Variants in ABCG2 observed in about 807,000 individuals in gnomAD.
The protein encoded by ABCG2 is broad substrate specificity ATP-binding cassette transporter ABCG2.
Under a neutral mutation model 73.5 loss-of-function variants are expected in ABCG2, and 80 were observed. The ratio of observed to expected loss-of-function variants is 1.09; its 90% CI spans 0.91 to 1.31. The LOEUF (loss-of-function observed/expected upper bound fraction) is 1.31. Among genes scored for constraint, ABCG2 ranks in the 50% most tolerant of loss-of-function variants. The pLI is 0.00. For synonymous variants in ABCG2, 269 were observed against 282.4 expected (o/e 0.95, Z 0.48); for missense variants, 796 against 786.2 (o/e 1.01, Z -0.15).
At chr4:88,140,577 G>A (rs552368314) in intron 1 of ABCG2, among the ~76,000 whole-genome samples, 58 of 152,228 alleles carry the variant, frequency 3.8e-4, no homozygotes, top group Non-Finnish European at 5.4e-4. Context: ...AGCAGAGATC[G>A]TGCCACTGTA....
intron 11 of ABCG2, among the ~76,000 whole-genome samples, chr4:88,100,707 T>C (rs978175189): frequency 2.6e-5 from 4 of 152,108 alleles, no homozygotes; most frequent in African/African-American, 9.7e-5. Flanking sequence ...AGGCTGCTCT[T>C]TACTGTAAGA....
Position 88,095,757 on chromosome 4 carries a change from C to T in ABCG2, c.1648-148G>A, listed in dbSNP as rs933936418. On this transcript the variant is annotated intron_variant, in intron 13 of 15. Coordinates refer to ENST00000237612, the MANE Select transcript of ABCG2 (RefSeq NM_004827.3). ...AAGTTCTCTCCACTTACTCAAGACA[C>T]TCACTAAACTCTTCTCCTCTGCATG... The T allele has an allele frequency of 2.3e-5, 15 of 641,878 alleles. 1 individual carries two copies. Among genetic ancestry groups the T allele is most frequent in the South Asian group, 2.0e-4 (11 of 55,320 alleles). The allele number at this position is 641,878 out of a possible 1,614,324, so 39.8% of individuals were successfully genotyped here.
At chr4:88,104,299 C>T (rs1197643674) in intron 10 of ABCG2, among the ~76,000 whole-genome samples, 1 of 152,172 alleles carries the variant, frequency 6.6e-6, no homozygotes, top group African/African-American at 2.4e-5. Flanking sequence ...AAGAAGAGAA[C>T]TAAACCACTG....
chr4:88,163,680 T>C (rs1477958640), upstream of ABCG2: 6 of 331,596 alleles, frequency 1.8e-5, no homozygotes, highest in East Asian at 9.4e-5. Context: ...AGCGCATTCA[T>C]AGAGTGGGCT....
intron 1 of ABCG2, among the ~76,000 whole-genome samples, chr4:88,230,308 T>TATATATATATA (rs746680651): frequency 0.018 from 1,777 of 96,116 alleles, 206 homozygotes; most frequent in African/African-American, 0.037. Context: ...TATATATATA[T>TATATATATATA]TTTTTTTTTT....
At position 88,091,363 on chromosome 4, in the gene ABCG2, T is replaced by C. The variant is rs944674644; in HGVS notation, c.*871A>G. 2.0e-5 allele frequency: 3 copies of C among 152,216 alleles called. No homozygotes were observed. The highest frequency in any genetic ancestry group is 7.2e-5 in the African/African-American group (3 of 41,460). The allele number at this position is 152,216 out of a possible 1,614,324, so 9.4% of individuals were successfully genotyped here. A position where few individuals can be genotyped will look rare whatever the true frequency, so the allele number is the denominator to read the frequency against. ...ATGTAGGGACAGATGTTAATAGTTATTAAATCCTAAGTAAAATTTTCAGAA... is the reference window on the plus strand; with the variant it reads ...ATGTAGGGACAGATGTTAATAGTTACTAAATCCTAAGTAAAATTTTCAGAA... On this transcript the variant is annotated 3_prime_UTR_variant, in exon 16 of 16. Coordinates refer to ENST00000237612, the MANE Select transcript of ABCG2 (RefSeq NM_004827.3).
At chr4:88,154,645 C>G (rs1017955084) in intron 1 of ABCG2, among the ~76,000 whole-genome samples, 1 of 151,950 alleles carries the variant, frequency 6.6e-6, no homozygotes, top group Non-Finnish European at 1.5e-5. Flanking sequence ...GGTGAATGCC[C>G]GGTGGATCAG....
intron 1 of ABCG2, 131 bp from the exon 2 acceptor site, chr4:88,140,145 C>A: frequency 1.3e-6 from 1 of 742,914 alleles, no homozygotes; most frequent in Non-Finnish European, 2.2e-6. Context: ...CAATGAATGG[C>A]CCATACCATT....
At chr4:88,147,971 C>T (rs1345664093) in intron 1 of ABCG2, among the ~76,000 whole-genome samples, 2 of 152,206 alleles carry the variant, frequency 1.3e-5, no homozygotes, top group Non-Finnish European at 2.9e-5. Context: ...TCCTTCCCCA[C>T]CTGAATTTCT....
chr4:88,123,207 C>T (rs1724136577), intron 5 of ABCG2, among the ~76,000 whole-genome samples: 1 of 152,196 alleles, frequency 6.6e-6, no homozygotes, highest in Non-Finnish European at 1.5e-5. Flanking sequence ...GTAGATAAAT[C>T]TATGAAGATG....
chr4:88,206,146 G>A (rs956293810), intron 1 of ABCG2, among the ~76,000 whole-genome samples: 7 of 152,110 alleles, frequency 4.6e-5, no homozygotes, highest in Admixed American at 2.0e-4. Context: ...AAATCTGCTA[G>A]TTCTTCTCCC....
At chr4:88,171,666 T>G (rs559477511) in intron 1 of ABCG2, among the ~76,000 whole-genome samples, 1 of 151,806 alleles carries the variant, frequency 6.6e-6, no homozygotes, top group Non-Finnish European at 1.5e-5. Flanking sequence ...TTGTATTATC[T>G]ATGGCTTGCT....
intron 12 of ABCG2, among the ~76,000 whole-genome samples, chr4:88,099,102 G>A (rs1034746059): frequency 1.3e-5 from 2 of 152,090 alleles, no homozygotes; most frequent in Non-Finnish European, 2.9e-5. Context: ...TCAAAAAAGC[G>A]AAACAAAGCA....
At chr4:88,100,156 G>T in intron 11 of ABCG2, among the ~76,000 whole-genome samples, 1 of 150,382 alleles carries the variant, frequency 6.6e-6, no homozygotes, top group Non-Finnish European at 1.5e-5. Context: ...ACCCAGCCTG[G>T]GAAACATAGT....
chr4:88,137,557 T>C (rs1725339080), intron 2 of ABCG2, among the ~76,000 whole-genome samples: 1 of 152,064 alleles, frequency 6.6e-6, no homozygotes, highest in Non-Finnish European at 1.5e-5. Context: ...GGCAGTCAAA[T>C]ATGTGAGGGG....
chr4:88,153,453 C>G (rs2110075983), intron 1 of ABCG2, among the ~76,000 whole-genome samples: 1 of 149,268 alleles, frequency 6.7e-6, no homozygotes, highest in East Asian at 2.0e-4. Context: ...AAAGTATTAT[C>G]CAGTCCTTTT....
At chr4:88,189,819 G>A (rs958977670) in intron 1 of ABCG2, among the ~76,000 whole-genome samples, 3 of 152,114 alleles carry the variant, frequency 2.0e-5, no homozygotes, top group African/African-American at 4.8e-5. Context: ...AATCTTAAGC[G>A]AAAAACTTTC....
chr4:88,190,711 A>G (rs1353627278), intron 1 of ABCG2, among the ~76,000 whole-genome samples: 4 of 152,244 alleles, frequency 2.6e-5, no homozygotes, highest in African/African-American at 9.6e-5. Flanking sequence ...CTGAGAGAAA[A>G]TATTTACAAA....
chr4:88,189,274 G>A (rs2110106055), intron 1 of ABCG2, among the ~76,000 whole-genome samples: 1 of 152,182 alleles, frequency 6.6e-6, no homozygotes, highest in South Asian at 2.1e-4. Flanking sequence ...CAGGTGCAAT[G>A]ACTCATGCCC....
Sources: gnomAD v4.1 joint callset for allele counts (sites outside exome capture counted in the v4.1 genomes callset) on GRCh38, gnomAD v4.1.1 for gene constraint, MANE v1.5 for transcripts, NCBI Gene and HGNC (gene_info 2026-07-23, HGNC 2026-07-21) for gene names.